Variants in AAK1 observed in about 807,000 individuals in gnomAD.
AAK1 encodes AP2-associated protein kinase 1.
AAK1 carries 37 observed loss-of-function variants against 116.0 expected under a neutral mutation model. The ratio of observed to expected loss-of-function variants is 0.32; its 90% CI spans 0.25 to 0.42. The LOEUF is 0.42. AAK1 is among the 10% of genes least tolerant of loss of function. AAK1 has a pLI of 1.00. For synonymous variants in AAK1, 458 were observed against 439.9 expected, an observed-to-expected ratio of 1.04 and a Z score of -0.51; for missense variants, 919 against 1,170.6, an observed-to-expected ratio of 0.79 and a Z score of 3.14.
At chr2:69,476,050 C>A in intron 21 of AAK1, 87 bp from the exon 22 acceptor site, 17 of 1,448,938 alleles carry the variant, frequency 1.2e-5, no homozygotes, top group East Asian at 5.1e-5. Context: ...AAAACCAAAC[C>A]AAAACCAAAA....
Position 69,470,952 on chromosome 2 carries a change from T to G in AAK1, c.*4917A>C. ...GAACAGATAAAAGTCTTTATTCCCC[T>G]GTATGTTTACATAAGAAAGTTCTTT... On this transcript the variant is annotated 3_prime_UTR_variant, in exon 22 of 22. Coordinates refer to ENST00000409085, the MANE Select transcript of AAK1 (RefSeq NM_014911.5). 1.0e-6 allele frequency: 1 copy of G among 985,896 alleles called. No individual in the cohort carries two copies. Among genetic ancestry groups the G allele is most frequent in the Non-Finnish European group, 1.2e-6 (1 of 829,914 alleles). 61.1% of individuals were successfully genotyped at this position (985,896 alleles called of 1,614,324 possible).
chr2:69,490,694 G>C (rs1228430895), intron 17 of AAK1, among the ~76,000 whole-genome samples: 1 of 152,060 alleles, frequency 6.6e-6, no homozygotes, highest in African/African-American at 2.4e-5. Flanking sequence ...AATGGGTACA[G>C]AGTTTCAGTT....
intron 2 of AAK1, among the ~76,000 whole-genome samples, chr2:69,566,303 T>A (rs1417122032): frequency 6.6e-6 from 1 of 152,210 alleles, no homozygotes; most frequent in African/African-American, 2.4e-5. Context: ...AAAGCATGTG[T>A]CAACACTGAT....
intron 5 of AAK1, among the ~76,000 whole-genome samples, chr2:69,538,015 C>T (rs1670549208): frequency 6.6e-6 from 1 of 152,200 alleles, no homozygotes; most frequent in African/African-American, 2.4e-5. Context: ...ACCACAGAGT[C>T]CAATACAATC....
chr2:69,613,061 C>T (rs1374022867), intron 2 of AAK1, among the ~76,000 whole-genome samples: 1 of 152,166 alleles, frequency 6.6e-6, no homozygotes, highest in African/African-American at 2.4e-5. Flanking sequence ...AGGCCCATCA[C>T]CTCCCTCAGT....
At chr2:69,526,433 A>G (rs774427974) in intron 9 of AAK1, among the ~76,000 whole-genome samples, 13 of 152,334 alleles carry the variant, frequency 8.5e-5, no homozygotes, top group Non-Finnish European at 1.3e-4. Context: ...TCCATTAATA[A>G]AATATTTAAG....
chr2:69,583,909 C>G (rs1345096809), intron 2 of AAK1, among the ~76,000 whole-genome samples: 3 of 152,226 alleles, frequency 2.0e-5, no homozygotes, highest in African/African-American at 7.2e-5. Flanking sequence ...ATTTCTCACT[C>G]TTTCCCCTGA....
chr2:69,525,633 T>C (rs1365349702), intron 9 of AAK1, among the ~76,000 whole-genome samples: 1 of 152,146 alleles, frequency 6.6e-6, no homozygotes, highest in African/African-American at 2.4e-5. Flanking sequence ...CTTCCCAACA[T>C]GTGAGGCACT....
chr2:69,467,496 A>G lies in AAK1; in HGVS notation c.*8373T>C. The stretch of plus-strand genomic sequence containing the variant: ...GGGCAGGAAAAAGGCATATGTAACT[A>G]AGCAAGAAGAATCCAGAGAAAGGGT... On this transcript the variant is annotated 3_prime_UTR_variant, in exon 22 of 22. Coordinates refer to ENST00000409085, the MANE Select transcript of AAK1 (RefSeq NM_014911.5). 1 of 985,442 alleles carries G rather than the reference A, an allele frequency of 1.0e-6. No homozygotes were observed. The allele number at this position is 985,442 out of a possible 1,614,324, so 61.0% of individuals were successfully genotyped here. A position where few individuals can be genotyped will look rare whatever the true frequency, so the allele number is the denominator to read the frequency against.
At chr2:69,540,114 C>A (rs1459757640) in intron 5 of AAK1, among the ~76,000 whole-genome samples, 2 of 147,970 alleles carry the variant, frequency 1.4e-5, no homozygotes, top group African/African-American at 5.2e-5. Flanking sequence ...TTCCCTGCCC[C>A]ACTTGCCTTT....
chr2:69,524,777 C>G (rs1669948521), intron 10 of AAK1, among the ~76,000 whole-genome samples: 1 of 152,216 alleles, frequency 6.6e-6, no homozygotes, highest in South Asian at 2.1e-4. Context: ...TCTCTGAATG[C>G]CCCTGAGCCT....
At chr2:69,627,668 G>C (rs1012278766) in intron 2 of AAK1, among the ~76,000 whole-genome samples, 2 of 152,242 alleles carry the variant, frequency 1.3e-5, no homozygotes, top group South Asian at 4.1e-4. Context: ...GCAGGTCAGT[G>C]TGAGGAGTTT....
chr2:69,611,367 G>A (rs997361921), intron 2 of AAK1, among the ~76,000 whole-genome samples: 1 of 152,228 alleles, frequency 6.6e-6, no homozygotes, highest in Non-Finnish European at 1.5e-5. Context: ...TCGGACCAGT[G>A]GCTTCCTGGG....
intron 2 of AAK1, among the ~76,000 whole-genome samples, chr2:69,577,635 G>A (rs1275253100): frequency 1.3e-5 from 2 of 152,194 alleles, no homozygotes; most frequent in African/African-American, 4.8e-5. Flanking sequence ...CAAAGATTGA[G>A]TTACATTCTT....
At chr2:69,540,416 C>T (rs754454572) in intron 5 of AAK1, among the ~76,000 whole-genome samples, 2 of 152,134 alleles carry the variant, frequency 1.3e-5, no homozygotes, top group South Asian at 2.1e-4. Context: ...CCACCACGCC[C>T]GGCCACATTC....
chr2:69,494,366 T>C (rs994220191), intron 17 of AAK1, among the ~76,000 whole-genome samples: 7 of 152,150 alleles, frequency 4.6e-5, no homozygotes, highest in Non-Finnish European at 5.9e-5. Context: ...ACCTGGGGCA[T>C]GTGCCTGGCT....
intron 12 of AAK1, among the ~76,000 whole-genome samples, chr2:69,518,677 A>G (rs1026923526): frequency 2.6e-5 from 4 of 152,098 alleles, no homozygotes; most frequent in African/African-American, 9.7e-5. Flanking sequence ...TCGGCCTCCC[A>G]AAGTGCTGGG....
At chr2:69,539,417 G>A (rs906889049) in intron 5 of AAK1, among the ~76,000 whole-genome samples, 2 of 121,090 alleles carry the variant, frequency 1.7e-5, no homozygotes, top group Non-Finnish European at 3.0e-5. Flanking sequence ...GGTGCAGAAC[G>A]GGGGCTACAG....
chr2:69,548,597 T>C (rs2105066057), intron 3 of AAK1, among the ~76,000 whole-genome samples: 1 of 150,552 alleles, frequency 6.6e-6, no homozygotes, highest in East Asian at 2.0e-4. Context: ...CTCTTTTTCT[T>C]CCCCTTCCTT....
Sources: allele counts gnomAD v4.1 joint callset (sites outside exome capture counted in the v4.1 genomes callset), GRCh38; gene constraint gnomAD v4.1.1; transcripts MANE v1.5; gene names NCBI Gene and HGNC (gene_info 2026-07-23, HGNC 2026-07-21).